Variants in EFCAB5 observed in about 807,000 individuals in gnomAD.
EFCAB5 encodes the protein EF-hand calcium-binding domain-containing protein 5.
EFCAB5 carries 131 observed loss-of-function variants against 167.9 expected under a neutral mutation model. The observed-to-expected ratio is 0.78, with a 90% CI of 0.68 to 0.90. EFCAB5 has a LOEUF of 0.90. Ranked by LOEUF, EFCAB5 falls within the 40% of genes least tolerant of loss-of-function variation. The pLI, the probability that EFCAB5 is intolerant of heterozygous loss-of-function variation, is 0.00. For missense variants in EFCAB5, 1,663 were observed against 1,745.2 expected (o/e 0.95, Z 0.84); for synonymous variants, 574 against 602.8 (o/e 0.95, Z 0.70).
At chr17:30,104,985 A>C (rs1244169818) in intron 22 of EFCAB5, among the ~76,000 whole-genome samples, 1 of 152,080 alleles carries the variant, frequency 6.6e-6, no homozygotes, top group Non-Finnish European at 1.5e-5. Context: ...AGATAAGAAC[A>C]CTGTGGCAGG....
intron 7 of EFCAB5, 84 bp downstream of exon 7, chr17:30,000,060 T>C: frequency 4.1e-6 from 4 of 977,284 alleles, no homozygotes; most frequent in Non-Finnish European, 6.1e-6. Context: ...CATCATTAAA[T>C]TAGTATTAAA....
intron 4 of EFCAB5, among the ~76,000 whole-genome samples, chr17:29,976,532 T>C (rs1044970462): frequency 4.6e-5 from 7 of 152,136 alleles, no homozygotes; most frequent in Non-Finnish European, 1.5e-5. Context: ...TGTGTTCTGC[T>C]CCTAATCCCT....
At chr17:30,040,909 C>T (rs2069752089) in intron 8 of EFCAB5, among the ~76,000 whole-genome samples, 1 of 152,176 alleles carries the variant, frequency 6.6e-6, no homozygotes, top group Non-Finnish European at 1.5e-5. Flanking sequence ...CTTCCTTAAA[C>T]CTTTCGTAAG....
At chr17:29,977,769 A>G (rs1037472891) in intron 4 of EFCAB5, among the ~76,000 whole-genome samples, 3 of 152,228 alleles carry the variant, frequency 2.0e-5, no homozygotes, top group Admixed American at 2.0e-4. Context: ...GTTAGTATAA[A>G]TATTCAAGCC....
intron 3 of EFCAB5, among the ~76,000 whole-genome samples, chr17:29,957,515 T>C (rs1489926936): frequency 6.6e-6 from 1 of 152,138 alleles, no homozygotes; most frequent in African/African-American, 2.4e-5. Flanking sequence ...GTGTATGTTG[T>C]TCCCCTCCCT....
Position 29,975,115 on chromosome 17 carries a change from C to T in EFCAB5, c.767+5748C>T, listed in dbSNP as rs1403147935. ...ACAACCCCTCAGCTTTTGAGCCATA[C>T]AAAACCAGTCAGTGGGCCAGATTTA... On this transcript the variant is annotated intron_variant, in intron 4 of 22. Transcript: ENST00000394835. 3.3e-5 allele frequency among the ~76,000 whole-genome samples: 5 copies of T among 152,046 alleles called. No individual in the cohort carries two copies. The East Asian group carries it at 9.6e-4, about 29-fold the overall frequency.
intron 7 of EFCAB5, among the ~76,000 whole-genome samples, chr17:30,002,791 A>C (rs1368875982): frequency 6.6e-6 from 1 of 152,188 alleles, no homozygotes; most frequent in East Asian, 1.9e-4. Context: ...TTGTCTGAGA[A>C]TGTCTTTATT....
At chr17:30,005,882 A>G (rs750749884) in intron 7 of EFCAB5, among the ~76,000 whole-genome samples, 8 of 152,358 alleles carry the variant, frequency 5.3e-5, no homozygotes, top group Non-Finnish European at 1.0e-4. Flanking sequence ...TAGCAGCCTT[A>G]TCTTAACTTA....
chr17:30,040,006 G>T (rs2069726480), intron 8 of EFCAB5, among the ~76,000 whole-genome samples: 1 of 152,160 alleles, frequency 6.6e-6, no homozygotes, highest in Non-Finnish European at 1.5e-5. Flanking sequence ...TAAATGCTTG[G>T]TTAGAATGTA....
At chr17:29,997,137 T>C (rs995236188) in intron 6 of EFCAB5, among the ~76,000 whole-genome samples, 40 of 151,400 alleles carry the variant, frequency 2.6e-4, no homozygotes, top group African/African-American at 9.7e-4. Context: ...CTCAGTTACT[T>C]GGGAGGCTGA....
chr17:30,003,891 A>G (rs2068720413), intron 7 of EFCAB5, among the ~76,000 whole-genome samples: 1 of 152,158 alleles, frequency 6.6e-6, no homozygotes, highest in African/African-American at 2.4e-5. Context: ...TTTTGGTTAT[A>G]ATGCTATTGA....
intron 4 of EFCAB5, among the ~76,000 whole-genome samples, chr17:29,984,654 G>A (rs1052973519): frequency 1.3e-5 from 2 of 152,070 alleles, no homozygotes; most frequent in African/African-American, 4.8e-5. Flanking sequence ...GAAGGCAGAG[G>A]TTGCAGTGAG....
At chr17:29,931,846 T>A (rs752525622) in intron 1 of EFCAB5, among the ~76,000 whole-genome samples, 5 of 152,220 alleles carry the variant, frequency 3.3e-5, no homozygotes, top group Non-Finnish European at 7.3e-5. Context: ...GTATGTTGAT[T>A]CTCTGACTCA....
In EFCAB5 at chr17:29,969,151, C is replaced by T; in HGVS notation, c.551C>T (p.Pro184Leu). Residue 184 changes from proline to leucine, a missense_variant, in exon 4 of 23, where the codon CCT becomes CTT. Transcript: ENST00000394835. Reference protein sequence around the residue: ...LLDKLLPTLVPGVENMLTQVE... With the variant: ...LLDKLLPTLVLGVENMLTQVE... ...GACAAACTTCTACCCACCTTAGTTC[C>T]TGGAGTAGAAAACATGTTAACTCAA... 1 of 1,613,806 alleles carries T rather than the reference C, an allele frequency of 6.2e-7. No homozygotes were observed. The highest frequency in any genetic ancestry group is 1.1e-5 in the South Asian group (1 of 91,072).
intron 22 of EFCAB5, among the ~76,000 whole-genome samples, chr17:30,103,696 C>T (rs532512485): frequency 3.9e-5 from 6 of 152,122 alleles, no homozygotes; most frequent in Non-Finnish European, 8.8e-5. Context: ...TGTAAATTCT[C>T]CTGCCTACAA....
At chr17:29,944,466 G>A (rs949511603) in intron 3 of EFCAB5, among the ~76,000 whole-genome samples, 11 of 152,040 alleles carry the variant, frequency 7.2e-5, no homozygotes. Flanking sequence ...TGCACTTAAA[G>A]AGAAAATTTA....
intron 22 of EFCAB5, among the ~76,000 whole-genome samples, chr17:30,104,997 G>A (rs1253676607): frequency 1.3e-5 from 2 of 152,116 alleles, no homozygotes; most frequent in African/African-American, 2.4e-5. Flanking sequence ...TGTGGCAGGG[G>A]TCAAAGGAAC....
intron 3 of EFCAB5, among the ~76,000 whole-genome samples, chr17:29,960,511 G>T (rs1038188745): frequency 2.6e-5 from 4 of 152,126 alleles, no homozygotes; most frequent in Non-Finnish European, 5.9e-5. Context: ...ATGTGCCATG[G>T]TTGTTTGGTG....
intron 22 of EFCAB5, 30 bp downstream of exon 22, chr17:30,092,966 C>G (rs1370216652): frequency 1.3e-6 from 2 of 1,514,280 alleles, no homozygotes; most frequent in Admixed American, 3.8e-5. Context: ...CAGCCTAAAT[C>G]TATGCCAACA....
Sources: gnomAD v4.1 joint callset for allele counts (sites outside exome capture counted in the v4.1 genomes callset) on GRCh38, gnomAD v4.1.1 for gene constraint, MANE v1.5 for transcripts, NCBI Gene and HGNC (gene_info 2026-07-23, HGNC 2026-07-21) for gene names.